The following LRRN3 variants were observed in gnomAD, a reference collection of about 807,000 sequenced individuals.
LRRN3 encodes leucine rich repeat neuronal 3, also known as leucine-rich repeat neuronal protein 3.
A neutral mutation model predicts 40.1 loss-of-function variants in LRRN3; 15 were observed. The ratio of observed to expected loss-of-function variants is 0.37; its 90% CI spans 0.25 to 0.58. The LOEUF is 0.58. Ranked by LOEUF, LRRN3 falls within the 20% of genes least tolerant of loss-of-function variation. The pLI is 0.72. For missense variants in LRRN3, 746 were observed against 837.7 expected, an observed-to-expected ratio of 0.89 and a Z score of 1.35; for synonymous variants, 308 against 297.2, an observed-to-expected ratio of 1.04 and a Z score of -0.37.
intron 1 of LRRN3, among the ~76,000 whole-genome samples, chr7:111,095,284 A>G (rs764842907): frequency 9.9e-5 from 15 of 151,974 alleles, no homozygotes; most frequent in Non-Finnish European, 1.9e-4. Flanking sequence ...AATACATTAT[A>G]CTTTGTATTC....
intron 2 of LRRN3, among the ~76,000 whole-genome samples, chr7:111,114,490 C>A (rs1162751544): frequency 6.6e-6 from 1 of 152,126 alleles, no homozygotes; most frequent in African/African-American, 2.4e-5. Flanking sequence ...GTAATCCCAG[C>A]ACTTTGTGAG....
chr7:111,101,355 T>A (rs1458455490), intron 2 of LRRN3, among the ~76,000 whole-genome samples: 1 of 151,412 alleles, frequency 6.6e-6, no homozygotes, highest in Non-Finnish European at 1.5e-5. Context: ...ACAAGCAGAA[T>A]CATATATTCG....
chr7:111,094,075 C>T (rs1797147850), intron 1 of LRRN3, among the ~76,000 whole-genome samples: 1 of 152,052 alleles, frequency 6.6e-6, no homozygotes, highest in South Asian at 2.1e-4. Flanking sequence ...TTTCTTTGTT[C>T]TTTCCTTTTT....
At chr7:111,110,633 A>G (rs1171846075) in intron 2 of LRRN3, among the ~76,000 whole-genome samples, 1 of 152,220 alleles carries the variant, frequency 6.6e-6, no homozygotes, top group African/African-American at 2.4e-5. Context: ...TATCAAACAT[A>G]TAAGTATAGA....
intron 2 of LRRN3, among the ~76,000 whole-genome samples, chr7:111,110,851 T>G (rs1799111139): frequency 6.6e-6 from 1 of 152,182 alleles, no homozygotes; most frequent in Admixed American, 6.5e-5. Flanking sequence ...CAGATCAAAT[T>G]TAAGGGATTC....
intron 1 of LRRN3, among the ~76,000 whole-genome samples, chr7:111,095,316 G>T (rs902049036): frequency 6.6e-6 from 1 of 151,794 alleles, no homozygotes; most frequent in African/African-American, 2.4e-5. Flanking sequence ...TATTGGAGAG[G>T]CCTAGGTTAG....
At chr7:111,096,521 A>G (rs1180062435) in intron 1 of LRRN3, among the ~76,000 whole-genome samples, 5 of 150,302 alleles carry the variant, frequency 3.3e-5, no homozygotes, top group African/African-American at 1.2e-4. Context: ...AAAAAAAAAA[A>G]CAAAACAAAA....
At chr7:111,115,050 A>T (rs1483318109) in intron 2 of LRRN3, among the ~76,000 whole-genome samples, 1 of 152,142 alleles carries the variant, frequency 6.6e-6, no homozygotes, top group Non-Finnish European at 1.5e-5. Context: ...TCAATCTAAG[A>T]TGAGTGAATA....
chr7:111,115,972 C>T (rs202033973), intron 2 of LRRN3, among the ~76,000 whole-genome samples: 51 of 152,272 alleles, frequency 3.3e-4, no homozygotes, highest in East Asian at 1.2e-3. Context: ...CCACCACATC[C>T]GGCCGGAATT....
intron 1 of LRRN3, among the ~76,000 whole-genome samples, chr7:111,096,335 T>C (rs928204336): frequency 2.0e-5 from 3 of 151,870 alleles, no homozygotes; most frequent in Non-Finnish European, 4.4e-5. Flanking sequence ...CTGGCATTTC[T>C]GAAGTTAGTA....
chr7:111,108,647 C>T (rs2129582337), intron 2 of LRRN3, among the ~76,000 whole-genome samples: 1 of 151,884 alleles, frequency 6.6e-6, no homozygotes, highest in South Asian at 2.1e-4. Context: ...TTAATTATAC[C>T]CTTCTAAAGT....
chr7:111,095,460 ATATT>A (rs1193359818), intron 1 of LRRN3, among the ~76,000 whole-genome samples: 1 of 151,992 alleles, frequency 6.6e-6, no homozygotes, highest in Non-Finnish European at 1.5e-5. Context: ...AAAAAGAGAA[ATATT>A]TATTCAGATA....
In LRRN3 at chr7:111,122,429, T is replaced by C; in HGVS notation, c.-344T>C. 1 of 192,006 alleles carries C rather than the reference T, an allele frequency of 5.2e-6. No individual in the cohort carries two copies. Among genetic ancestry groups the C allele is most frequent in the Non-Finnish European group, 1.1e-5 (1 of 94,514 alleles). The allele number at this position is 192,006 out of a possible 1,614,324, so 11.9% of individuals were successfully genotyped here. A position where few individuals can be genotyped will look rare whatever the true frequency, so the allele number is the denominator to read the frequency against. On this transcript the variant is annotated 5_prime_UTR_variant, in exon 3 of 3. Transcript: ENST00000308478. ...ATTACATTTAGCATCATGCTGCTAT[T>C]CCTGCAAATACTGAAGAAGCATGGG...
chr7:111,106,598 G>A (rs952376853), intron 2 of LRRN3, among the ~76,000 whole-genome samples: 1 of 150,880 alleles, frequency 6.6e-6, no homozygotes, highest in Non-Finnish European at 1.5e-5. Context: ...GACTCAAATA[G>A]GGCAAGAGTT....
intron 2 of LRRN3, among the ~76,000 whole-genome samples, chr7:111,115,248 T>C (rs1372942990): frequency 6.6e-6 from 1 of 152,122 alleles, no homozygotes; most frequent in Non-Finnish European, 1.5e-5. Context: ...TTCCCCAGTA[T>C]ATGGTGTGAT....
At chr7:111,107,321 C>A (rs1437067966) in intron 2 of LRRN3, among the ~76,000 whole-genome samples, 2 of 151,950 alleles carry the variant, frequency 1.3e-5, no homozygotes, top group Non-Finnish European at 2.9e-5. Context: ...TATTACAACG[C>A]CAGCCCTACA....
At chr7:111,116,779 C>A (rs899114658) in intron 2 of LRRN3, among the ~76,000 whole-genome samples, 14 of 152,042 alleles carry the variant, frequency 9.2e-5, no homozygotes, top group South Asian at 2.1e-4. Context: ...AAACACCCAA[C>A]AATAATAACA....
At chr7:111,113,098 A>G (rs1024275831) in intron 2 of LRRN3, among the ~76,000 whole-genome samples, 2 of 152,216 alleles carry the variant, frequency 1.3e-5, no homozygotes, top group African/African-American at 2.4e-5. Context: ...GAGTTCCTTC[A>G]GAGTAATGTT....
At chr7:111,106,862 A>G (rs185934281) in intron 2 of LRRN3, among the ~76,000 whole-genome samples, 45 of 151,772 alleles carry the variant, frequency 3.0e-4, no homozygotes, top group Non-Finnish European at 1.0e-4. Flanking sequence ...ATAATTGGAG[A>G]AATGTGTGCT....
Sources: gnomAD v4.1 joint callset for allele counts (sites outside exome capture counted in the v4.1 genomes callset) on GRCh38, gnomAD v4.1.1 for gene constraint, MANE v1.5 for transcripts, NCBI Gene and HGNC (gene_info 2026-07-23, HGNC 2026-07-21) for gene names.